NKAIN2: variants seen among roughly 807,000 people sequenced by gnomAD.
NKAIN2 encodes sodium/potassium transporting ATPase interacting 2.
NKAIN2 carries 14 observed loss-of-function variants against 32.6 expected under a neutral mutation model. The observed-to-expected ratio is 0.43, with a 90% CI of 0.28 to 0.67. NKAIN2 has a LOEUF of 0.67. Among genes scored for constraint, NKAIN2 ranks in the 30% least tolerant of loss-of-function variants. The pLI, the probability that NKAIN2 is intolerant of heterozygous loss-of-function variation, is 0.17. For synonymous variants in NKAIN2, 80 were observed against 87.2 expected, an observed-to-expected ratio of 0.92 and a Z score of 0.46; for missense variants, 198 against 258.3, an observed-to-expected ratio of 0.77 and a Z score of 1.60.
intron 4 of NKAIN2, among the ~76,000 whole-genome samples, chr6:124,707,599 G>T (rs199909710): frequency 7.7e-5 from 10 of 130,496 alleles, no homozygotes; most frequent in Non-Finnish European, 1.3e-4. Context: ...CAGTGATGGT[G>T]AGCATTTTTT....
At chr6:124,347,694 T>G (rs1798501617) in intron 2 of NKAIN2, among the ~76,000 whole-genome samples, 1 of 152,204 alleles carries the variant, frequency 6.6e-6, no homozygotes, top group Non-Finnish European at 1.5e-5. Flanking sequence ...ATCAGCTCCT[T>G]TAAGCACTTC....
intron 3 of NKAIN2, among the ~76,000 whole-genome samples, chr6:124,463,898 G>A (rs1776635733): frequency 6.6e-6 from 1 of 152,062 alleles, no homozygotes; most frequent in South Asian, 2.1e-4. Context: ...CTTTAGAAAT[G>A]TCTAAAACGT....
chr6:124,345,792 G>C (rs1450303242), intron 2 of NKAIN2, among the ~76,000 whole-genome samples: 1 of 151,998 alleles, frequency 6.6e-6, no homozygotes, highest in Non-Finnish European at 1.5e-5. Flanking sequence ...CCAGCTCCTG[G>C]ATTCATTAAT....
chr6:123,890,354 G>T (rs887279081), intron 1 of NKAIN2, among the ~76,000 whole-genome samples: 2 of 151,814 alleles, frequency 1.3e-5, no homozygotes, highest in African/African-American at 4.8e-5. Context: ...TGGAGGATGA[G>T]GTGGAAGGAA....
At chr6:124,811,284 T>C (rs1780895421) in intron 5 of NKAIN2, among the ~76,000 whole-genome samples, 1 of 152,206 alleles carries the variant, frequency 6.6e-6, no homozygotes, top group South Asian at 2.1e-4. Context: ...TTTCCCTTCA[T>C]GGTTTTTTAC....
At chr6:124,353,547 G>T (rs959369208) in intron 2 of NKAIN2, among the ~76,000 whole-genome samples, 1 of 152,194 alleles carries the variant, frequency 6.6e-6, no homozygotes, top group Non-Finnish European at 1.5e-5. Flanking sequence ...AAGGTCAGGA[G>T]ATCGAGACCA....
intron 1 of NKAIN2, among the ~76,000 whole-genome samples, chr6:124,200,674 C>A (rs1790548997): frequency 6.6e-6 from 1 of 151,938 alleles, no homozygotes; most frequent in Non-Finnish European, 1.5e-5. Flanking sequence ...ATAAATTGTG[C>A]CTCGTCTTTT....
chr6:124,213,751 T>C (rs2114669467), intron 1 of NKAIN2, among the ~76,000 whole-genome samples: 1 of 152,256 alleles, frequency 6.6e-6, no homozygotes, highest in Non-Finnish European at 1.5e-5. Context: ...ATCCATATAG[T>C]GATTTAATTC....
intron 1 of NKAIN2, among the ~76,000 whole-genome samples, chr6:123,998,125 A>G (rs763484370): frequency 5.3e-5 from 8 of 152,128 alleles, no homozygotes; most frequent in Non-Finnish European, 1.2e-4. Context: ...CCTAGCTTTG[A>G]TTCTTTAATG....
intron 1 of NKAIN2, among the ~76,000 whole-genome samples, chr6:123,955,196 C>CAAAAAAAAAAAAAAAAAAAAAAAAAA (rs5879708): frequency 9.5e-6 from 1 of 105,020 alleles, no homozygotes; most frequent in Non-Finnish European, 2.1e-5. Context: ...ACAGAAAAAC[C>CAAAAAAAAAAAAAAAAAAAAAAAAAA]AAAAAAAAAA....
At chr6:124,616,169 A>G (rs191936964) in intron 3 of NKAIN2, among the ~76,000 whole-genome samples, 46 of 151,992 alleles carry the variant, frequency 3.0e-4, no homozygotes, top group African/African-American at 1.1e-3. Context: ...GAAACTCTGC[A>G]TGTTTTATAC....
At chr6:124,770,798 G>T (rs1213536482) in intron 4 of NKAIN2, among the ~76,000 whole-genome samples, 1 of 152,014 alleles carries the variant, frequency 6.6e-6, no homozygotes, top group Non-Finnish European at 1.5e-5. Flanking sequence ...CTAGCCCAAT[G>T]ATTCTTACTT....
intron 1 of NKAIN2, among the ~76,000 whole-genome samples, chr6:124,279,732 C>G (rs1178199803): frequency 6.6e-6 from 1 of 151,390 alleles, no homozygotes; most frequent in Non-Finnish European, 1.5e-5. Flanking sequence ...TATGCCATCC[C>G]AAGTAGGGAT....
chr6:124,142,657 A>T (rs1409955078), intron 1 of NKAIN2, among the ~76,000 whole-genome samples: 1 of 152,174 alleles, frequency 6.6e-6, no homozygotes, highest in East Asian at 1.9e-4. Context: ...TTGATAAAGA[A>T]TTTAGATTTT....
chr6:124,358,044 C>A (rs1036020232), intron 3 of NKAIN2, among the ~76,000 whole-genome samples: 2 of 152,060 alleles, frequency 1.3e-5, no homozygotes, highest in East Asian at 3.9e-4. Flanking sequence ...TTTGTCCTTG[C>A]AATAGTTTGC....
intron 1 of NKAIN2, among the ~76,000 whole-genome samples, chr6:123,844,230 A>G (rs1369389996): frequency 6.6e-6 from 1 of 152,204 alleles, no homozygotes; most frequent in Non-Finnish European, 1.5e-5. Flanking sequence ...GAGGAGTTAG[A>G]TAAGTGTTGG....
At chr6:124,361,703 C>A (rs1200240021) in intron 3 of NKAIN2, among the ~76,000 whole-genome samples, 2 of 151,914 alleles carry the variant, frequency 1.3e-5, no homozygotes, top group Non-Finnish European at 2.9e-5. Context: ...AGTCATGTAA[C>A]AATGTGGCTT....
chr6:123,903,486 T>C (rs1170485396), intron 1 of NKAIN2, among the ~76,000 whole-genome samples: 2 of 152,190 alleles, frequency 1.3e-5, no homozygotes, highest in African/African-American at 2.4e-5. Context: ...CTTTTGTATA[T>C]TCAAGTAGAT....
At chr6:124,202,890 G>A (rs1790663600) in intron 1 of NKAIN2, among the ~76,000 whole-genome samples, 1 of 151,902 alleles carries the variant, frequency 6.6e-6, no homozygotes, top group Admixed American at 6.6e-5. Flanking sequence ...ATAATAGATG[G>A]CAGTGATTGT....
Sources: allele counts gnomAD v4.1 joint callset (sites outside exome capture counted in the v4.1 genomes callset), GRCh38; gene constraint gnomAD v4.1.1; transcripts MANE v1.5; gene names NCBI Gene and HGNC (gene_info 2026-07-23, HGNC 2026-07-21).